Variants in C9orf72 observed in about 807,000 individuals in gnomAD.
The protein encoded by C9orf72 is C9orf72-SMCR8 complex subunit.
C9orf72 carries 44 observed loss-of-function variants against 51.6 expected under a neutral mutation model. That is an observed-to-expected ratio of 0.85 (90% CI 0.67 to 1.10). The LOEUF is 1.10. C9orf72 is among the 50% of genes least tolerant of loss of function. C9orf72 has a pLI of 0.00. For synonymous variants in C9orf72, 213 were observed against 194.2 expected (o/e 1.10, Z -0.81); for missense variants, 607 against 570.6 (o/e 1.06, Z -0.65).
At chr9:27,567,582 A>C (rs571709817) in intron 1 of C9orf72, among the ~76,000 whole-genome samples, 8 of 152,204 alleles carry the variant, frequency 5.3e-5, no homozygotes, top group Non-Finnish European at 1.2e-4. Flanking sequence ...AGGAAGGGAA[A>C]GGCTCAGCTA....
chr9:27,566,750 T>G lies in C9orf72; in HGVS notation c.371A>C (p.Tyr124Ser). Reference protein sequence around the residue: ...IILPQTELSFYLPLHRVCVDR... With the variant: ...IILPQTELSFSLPLHRVCVDR... ...AACACACACTCTATGAAGTGGGAGG[T>G]AGAAACTAAGTTCTGTCTGTGGAAG... The change falls in exon 2 of 11, where the codon TAC becomes TCC. Residue 124 changes from tyrosine to serine, a missense_variant. Transcript: ENST00000380003. The G allele has an allele frequency of 6.2e-7, 1 of 1,613,872 alleles. No homozygotes were observed. The highest frequency in any genetic ancestry group is 8.5e-7 in the Non-Finnish European group (1 of 1,179,810).
intron 9 of C9orf72, 64 bp downstream of exon 9, chr9:27,550,586 G>C: frequency 1.0e-6 from 1 of 983,094 alleles, no homozygotes; most frequent in Non-Finnish European, 1.6e-6. Flanking sequence ...AGGCATTGTA[G>C]GATATATTAA....
At chr9:27,565,429 G>C (rs1283471554) in intron 3 of C9orf72, 102 bp downstream of exon 3, 2 of 674,600 alleles carry the variant, frequency 3.0e-6, no homozygotes, top group African/African-American at 1.8e-5. Flanking sequence ...CTCCATTAAA[G>C]GCTTATTCGT....
intron 1 of C9orf72, among the ~76,000 whole-genome samples, chr9:27,567,899 G>A (rs1025663498): frequency 2.0e-5 from 3 of 152,092 alleles, no homozygotes; most frequent in Non-Finnish European, 4.4e-5. Flanking sequence ...AAGAGGCAAG[G>A]AAAGAGTCTT....
intron 9 of C9orf72, among the ~76,000 whole-genome samples, chr9:27,549,283 C>T (rs1820855194): frequency 6.6e-6 from 1 of 152,002 alleles, no homozygotes; most frequent in African/African-American, 2.4e-5. Context: ...TTTTTCTGCC[C>T]AAATCTTCAA....
rs1458491857 is a variant in C9orf72 at position 27,547,592 on chromosome 9, C to T, written c.*644G>A. On this transcript the variant is annotated 3_prime_UTR_variant, in exon 11 of 11. Coordinates refer to ENST00000380003, the MANE Select transcript of C9orf72 (RefSeq NM_018325.5). ...CAAGAACAATAAAATAAACAAAACACCCTAACTGTGGTTCACCAGGAACAA... is the reference window on the plus strand; with the variant it reads ...CAAGAACAATAAAATAAACAAAACATCCTAACTGTGGTTCACCAGGAACAA... The T allele has an allele frequency of 6.6e-6, 1 of 152,574 alleles. No individual in the cohort carries two copies. The highest frequency in any genetic ancestry group is 6.5e-5 in the Admixed American group (1 of 15,286). The allele number at this position is 152,574 out of a possible 1,614,324, so 9.5% of individuals were successfully genotyped here.
chr9:27,570,577 A>G (rs907808672), intron 1 of C9orf72, among the ~76,000 whole-genome samples: 2 of 152,158 alleles, frequency 1.3e-5, no homozygotes, highest in Non-Finnish European at 2.9e-5. Context: ...ATAAGAAAAA[A>G]AAAATGGGCC....
At chr9:27,555,251 C>T (rs1820985959) in intron 8 of C9orf72, among the ~76,000 whole-genome samples, 1 of 152,186 alleles carries the variant, frequency 6.6e-6, no homozygotes, top group African/African-American at 2.4e-5. Context: ...ACTACTTTCT[C>T]AAGAACCAAT....
rs545389720 is a variant in C9orf72, at chr9:27,559,326, C to T, written c.739-719G>A. 34 of 150,682 alleles carry T rather than the reference C, an allele frequency of 2.3e-4. No homozygotes were observed. The East Asian group carries it at 3.3e-3, about 15-fold the overall frequency. 9.3% of individuals were successfully genotyped at this position (150,682 alleles called of 1,614,324 possible). ...GCCTTTCTCCCTTCATAAAGCAGCT[C>T]GGCAGTCACTCTGTGCAACCTAAGG... On this transcript the variant is annotated intron_variant, in intron 6 of 10. Coordinates refer to ENST00000380003, the MANE Select transcript of C9orf72 (RefSeq NM_018325.5).
Position 27,560,146 on chromosome 9 carries a change from A to G in C9orf72, c.738+81T>C, listed in dbSNP as rs113506887. On this transcript the variant is annotated intron_variant, in intron 6 of 10. Transcript: ENST00000380003. The stretch of plus-strand genomic sequence containing the variant: ...ATACTACTAGATCATTTTAATTGCA[A>G]CCTACCATTTAAATGACAATCCATG... 6.5e-3 allele frequency: 5,846 copies of G among 902,520 alleles called. 23 individuals are homozygous for G. The highest frequency in any genetic ancestry group is 8.3e-3 in the Non-Finnish European group (5,040 of 606,136). The allele number at this position is 902,520 out of a possible 1,614,324, so 55.9% of individuals were successfully genotyped here.
At chr9:27,566,617 C>A in intron 2 of C9orf72, 60 bp downstream of exon 2, 2 of 1,176,710 alleles carry the variant, frequency 1.7e-6, no homozygotes, top group Non-Finnish European at 2.4e-6. Flanking sequence ...TTTATATGTA[C>A]CAGAAAATAA....
At chr9:27,571,412 T>C (rs1275235019) in intron 1 of C9orf72, among the ~76,000 whole-genome samples, 1 of 152,200 alleles carries the variant, frequency 6.6e-6, no homozygotes, top group African/African-American at 2.4e-5. Flanking sequence ...AGAAAGGTGG[T>C]TGGTCCACTG....
At chr9:27,562,513 G>T in intron 3 of C9orf72, 37 bp from the exon 4 acceptor site, 1 of 1,042,318 alleles carries the variant, frequency 9.6e-7, no homozygotes, top group Non-Finnish European at 1.4e-6. Flanking sequence ...AGAAAATCAC[G>T]TAATATGAGA....
intron 9 of C9orf72, among the ~76,000 whole-genome samples, chr9:27,549,090 C>G (rs965068222): frequency 2.0e-5 from 3 of 152,188 alleles, no homozygotes; most frequent in African/African-American, 7.2e-5. Flanking sequence ...GATCCACCCA[C>G]CTCGGACTCC....
intron 6 of C9orf72, chr9:27,559,133 T>A (rs931585747): frequency 4.6e-5 from 7 of 152,236 alleles, no homozygotes; most frequent in Non-Finnish European, 1.0e-4. Context: ...TATCTTGAAA[T>A]TCAAACCATA....
chr9:27,567,196 G>T, intron 1 of C9orf72, 32 bp from the exon 2 acceptor site: 2 of 1,275,634 alleles, frequency 1.6e-6, no homozygotes, highest in Non-Finnish European at 2.2e-6. Flanking sequence ...CAATGATTAG[G>T]TTCAGCAATT....
At chr9:27,556,953 A>C (rs957268643) in intron 7 of C9orf72, among the ~76,000 whole-genome samples, 157 bp from the exon 8 acceptor site, 1 of 152,218 alleles carries the variant, frequency 6.6e-6, no homozygotes, top group Non-Finnish European at 1.5e-5. Context: ...TAGTGACAGA[A>C]GTGTTCAGTA....
intron 4 of C9orf72, among the ~76,000 whole-genome samples, 153 bp from the exon 5 acceptor site, chr9:27,561,802 C>T (rs2453554): frequency 0.2 from 31,061 of 152,098 alleles, 3,331 homozygotes; most frequent in Middle Eastern, 0.28. Flanking sequence ...AATCTCTGTG[C>T]ACTACCATAA....
chr9:27,554,451 C>T, intron 8 of C9orf72: 2 of 395,854 alleles, frequency 5.1e-6, no homozygotes, highest in Non-Finnish European at 8.9e-6. Flanking sequence ...TATACATGGA[C>T]ACAAAGAAGG....
Sources: gnomAD v4.1 joint callset for allele counts (sites outside exome capture counted in the v4.1 genomes callset) on GRCh38, gnomAD v4.1.1 for gene constraint, MANE v1.5 for transcripts, NCBI Gene and HGNC (gene_info 2026-07-23, HGNC 2026-07-21) for gene names.